The following WTAP variants were observed in gnomAD, a reference collection of about 807,000 sequenced individuals.
The protein encoded by WTAP is WT1 associated protein.
WTAP carries 8 observed loss-of-function variants against 50.0 expected under a neutral mutation model. The observed-to-expected ratio is 0.16, with a 90% CI of 0.09 to 0.29. The LOEUF is 0.29. Ranked by LOEUF, WTAP falls within the 10% of genes least tolerant of loss-of-function variation. WTAP has a pLI of 1.00. For synonymous variants in WTAP, 194 were observed against 169.0 expected (o/e 1.15, Z -1.15); for missense variants, 295 against 470.7 (o/e 0.63, Z 3.45).
intron 1 of WTAP, among the ~76,000 whole-genome samples, chr6:159,733,466 CA>C (rs11320721): frequency 0.78 from 117,956 of 151,962 alleles, 46,079 homozygotes; most frequent in South Asian, 0.85. Context: ...AAAAAAATTA[CA>C]AAAAATTAAC....
chr6:159,743,564 AGACTT>A, intron 4 of WTAP, 96 bp from the exon 5 acceptor site: 1 of 1,150,316 alleles, frequency 8.7e-7, no homozygotes, highest in Non-Finnish European at 1.2e-6. Flanking sequence ...TGGAAACTAA[AGACTT>A]GATTAATTTT....
intron 4 of WTAP, 127 bp from the exon 5 acceptor site, chr6:159,743,538 A>G (rs1397512589): frequency 1.9e-5 from 18 of 930,088 alleles, no homozygotes; most frequent in Non-Finnish European, 2.8e-5. Flanking sequence ...TTCGCCTGTT[A>G]TAAAAGTAGT....
chr6:159,736,340 T>G, intron 2 of WTAP, 45 bp downstream of exon 2: 1 of 1,485,634 alleles, frequency 6.7e-7, no homozygotes, highest in Non-Finnish European at 9.3e-7. Flanking sequence ...TTTGGGTTTT[T>G]TGGGGGCTTT....
At chr6:159,746,157 T>G (rs919713988) in intron 5 of WTAP, among the ~76,000 whole-genome samples, 3 of 152,212 alleles carry the variant, frequency 2.0e-5, no homozygotes, top group Non-Finnish European at 4.4e-5. Flanking sequence ...ATTTGGCAGT[T>G]AAGAGGTTGT....
chr6:159,737,449 A>G (rs1043037860), intron 2 of WTAP, among the ~76,000 whole-genome samples: 2 of 152,146 alleles, frequency 1.3e-5, no homozygotes, highest in African/African-American at 4.8e-5. Context: ...AAGGAAAAAA[A>G]TTTAAGTGTC....
intron 4 of WTAP, among the ~76,000 whole-genome samples, chr6:159,743,327 G>T (rs531838450): frequency 6.6e-6 from 1 of 152,234 alleles, no homozygotes; most frequent in Non-Finnish European, 1.5e-5. Flanking sequence ...GATTACAGGC[G>T]TGAGCCTCTG....
intron 1 of WTAP, among the ~76,000 whole-genome samples, 180 bp downstream of exon 1, chr6:159,727,883 C>T (rs925692492): frequency 4.6e-5 from 7 of 152,348 alleles, no homozygotes; most frequent in South Asian, 4.1e-4. Flanking sequence ...ACTTCCGCCG[C>T]TTCGAGGCCA....
chr6:159,752,898 T>C (rs1419464274), intron 6 of WTAP, among the ~76,000 whole-genome samples: 1 of 152,236 alleles, frequency 6.6e-6, no homozygotes, highest in Non-Finnish European at 1.5e-5. Flanking sequence ...TGTGCCTGGC[T>C]ACTTTTTAAA....
chr6:159,738,724 C>A (rs1779065569), intron 2 of WTAP, among the ~76,000 whole-genome samples: 1 of 151,978 alleles, frequency 6.6e-6, no homozygotes, highest in South Asian at 2.1e-4. Flanking sequence ...GGTGTTGCCA[C>A]TAATTTTTAT....
upstream of WTAP, chr6:159,726,957 C>T: frequency 2.3e-6 from 3 of 1,286,426 alleles, no homozygotes; most frequent in Non-Finnish European, 3.0e-6. Context: ...GGATGAGCGT[C>T]ACGAACACAG....
chr6:159,755,790 T>TTTTTTTTTTTTTTTTTTTTTTTTTTTG lies in WTAP; in HGVS notation c.*179_*180insTTTTTTTTTTTTTTTTTTTTTTTTTTG, dbSNP rs1779991801. On this transcript the variant is annotated 3_prime_UTR_variant, in exon 8 of 8. Transcript: ENST00000621533. ...CTTTTTTTTTTTTTTTTTTTTTTTT[T>TTTTTTTTTTTTTTTTTTTTTTTTTTTG]GCTTCAATACTTCTGCCGCTTTGGA... 4 of 848,086 alleles carry TTTTTTTTTTTTTTTTTTTTTTTTTTTG rather than the reference T, an allele frequency of 4.7e-6. No homozygotes were observed. Among genetic ancestry groups the TTTTTTTTTTTTTTTTTTTTTTTTTTTG allele is most frequent in the Non-Finnish European group, 3.1e-6 (2 of 641,818 alleles). 52.5% of individuals were successfully genotyped at this position (848,086 alleles called of 1,614,324 possible).
At chr6:159,727,090 C>G, upstream of WTAP, 1 of 1,195,438 alleles carries the variant, frequency 8.4e-7, no homozygotes, top group Non-Finnish European at 1.1e-6. Context: ...TGACCTCCGA[C>G]CTCGCTGGCC....
At chr6:159,753,239 G>A (rs1360359101) in intron 6 of WTAP, 1 of 568,122 alleles carries the variant, frequency 1.8e-6, no homozygotes, top group Non-Finnish European at 3.1e-6. Context: ...AGGTGTAGCT[G>A]TTTGGGCACT....
chr6:159,727,381 AGGCGGGAGG>A, upstream of WTAP: 1 of 684,632 alleles, frequency 1.5e-6, no homozygotes. Flanking sequence ...GGCTGGCGGG[AGGCGGGAGG>A]CGGGAGGCGG....
intron 1 of WTAP, among the ~76,000 whole-genome samples, chr6:159,733,508 G>C (rs1778716653): frequency 1.3e-5 from 2 of 152,068 alleles, no homozygotes; most frequent in South Asian, 4.1e-4. Context: ...TGTAGTCCCA[G>C]GTACTCGGGA....
chr6:159,740,135 A>G (rs971288807), intron 3 of WTAP, among the ~76,000 whole-genome samples: 1 of 151,502 alleles, frequency 6.6e-6, no homozygotes, highest in African/African-American at 2.4e-5. Flanking sequence ...ATGGGCCACC[A>G]TGCCTGGCCA....
At chr6:159,735,750 A>G (rs750644237) in intron 1 of WTAP, among the ~76,000 whole-genome samples, 4 of 139,410 alleles carry the variant, frequency 2.9e-5, no homozygotes, top group African/African-American at 5.7e-5. Flanking sequence ...CTGTGTCTCA[A>G]AAAAAATAAA....
At position 159,755,765 on chromosome 6, in the gene WTAP, CTTTTTTTTTTTT is replaced by C; in HGVS notation, c.*168_*179del. ...TTTTTCTTTGTTTTTTTTTTCTTTT[CTTTTTTTTTTTT>C]TTTTTTTTTTTTTGCTTCAATACTT... is the stretch of plus-strand genomic sequence containing the variant. On this transcript the variant is annotated 3_prime_UTR_variant, in exon 8 of 8. Coordinates refer to ENST00000621533, the MANE Select transcript of WTAP (RefSeq NM_001270531.2). 127 of 173,378 alleles carry C rather than the reference CTTTTTTTTTTTT, an allele frequency of 7.3e-4. No individual in the cohort carries two copies. The highest frequency in any genetic ancestry group is 2.6e-3 in the Middle Eastern group (1 of 392). The allele number at this position is 173,378 out of a possible 1,614,324, so 10.7% of individuals were successfully genotyped here.
At chr6:159,727,484 C>T (rs1304473509), upstream of WTAP, 10 of 992,650 alleles carry the variant, frequency 1.0e-5, no homozygotes, top group African/African-American at 1.8e-4. Context: ...CGGGGCGGGG[C>T]CGGGCGGCGG....
Sources: allele counts gnomAD v4.1 joint callset (sites outside exome capture counted in the v4.1 genomes callset), GRCh38; gene constraint gnomAD v4.1.1; transcripts MANE v1.5; gene names NCBI Gene and HGNC (gene_info 2026-07-23, HGNC 2026-07-21).